The following NFIB variants were observed in gnomAD, a reference collection of about 807,000 sequenced individuals.
NFIB encodes the protein nuclear factor I B.
A neutral mutation model predicts 61.5 loss-of-function variants in NFIB; 11 were observed. The ratio of observed to expected loss-of-function variants is 0.18; its 90% CI spans 0.11 to 0.30. NFIB has a LOEUF of 0.30. Among genes scored for constraint, NFIB ranks in the 10% least tolerant of loss-of-function variants. The pLI is 1.00. For missense variants in NFIB, 471 were observed against 608.9 expected (o/e 0.77, Z 2.38); for synonymous variants, 260 against 216.5 (o/e 1.20, Z -1.76).
At chr9:14,495,182 A>C in the NFIB span, among the ~76,000 whole-genome samples, 1 of 152,296 alleles carries the variant, frequency 6.6e-6, no homozygotes, top group Admixed American at 6.5e-5. Context: ...AATCTGGAGA[A>C]GAGGATCAGC....
upstream of NFIB, among the ~76,000 whole-genome samples, chr9:14,318,092 C>G (rs57283789): frequency 0.018 from 2,708 of 152,240 alleles, 74 homozygotes; most frequent in African/African-American, 0.062. Context: ...ACCCCAAAAC[C>G]TGGCTGAGGA....
At chr9:14,176,337 T>A (rs2046192587) in intron 3 of NFIB, among the ~76,000 whole-genome samples, 1 of 151,644 alleles carries the variant, frequency 6.6e-6, no homozygotes, top group Non-Finnish European at 1.5e-5. Context: ...AAGGCAAATG[T>A]GTATCCCTAG....
chr9:14,282,858 T>C (rs1326978913), intron 2 of NFIB, among the ~76,000 whole-genome samples: 3 of 152,234 alleles, frequency 2.0e-5, no homozygotes, highest in Admixed American at 2.0e-4. Context: ...CACTGTTGTA[T>C]GAACTTCGGT....
At chr9:14,111,059 A>G (rs1221086347) in intron 10 of NFIB, among the ~76,000 whole-genome samples, 1 of 152,136 alleles carries the variant, frequency 6.6e-6, no homozygotes, top group Non-Finnish European at 1.5e-5. Context: ...ACGTATTCAC[A>G]TTGTAAGTGG....
At chr9:14,303,125 A>C (rs572211254) in intron 2 of NFIB, among the ~76,000 whole-genome samples, 68 of 152,190 alleles carry the variant, frequency 4.5e-4, no homozygotes, top group Non-Finnish European at 8.5e-4. Context: ...TCTGTTACAC[A>C]TTTCTAACTA....
At chr9:14,182,558 T>C (rs1009479277) in intron 2 of NFIB, among the ~76,000 whole-genome samples, 1 of 152,156 alleles carries the variant, frequency 6.6e-6, no homozygotes, top group African/African-American at 2.4e-5. Context: ...GTTATTGTGG[T>C]TGACTTCAGA....
intron 3 of NFIB, among the ~76,000 whole-genome samples, chr9:14,168,901 T>C (rs903283621): frequency 4.6e-5 from 7 of 152,216 alleles, no homozygotes; most frequent in African/African-American, 1.4e-4. Context: ...TACTCCCTTC[T>C]TCACCCATCA....
At chr9:14,363,819 G>A (rs1032509001) in intron 1 of NFIB, among the ~76,000 whole-genome samples, 8 of 151,970 alleles carry the variant, frequency 5.3e-5, no homozygotes, top group East Asian at 3.9e-4. Flanking sequence ...AAAGCATGCC[G>A]TTTTCTATCT....
At chr9:14,479,364 T>G in the NFIB span, among the ~76,000 whole-genome samples, 1 of 152,308 alleles carries the variant, frequency 6.6e-6, no homozygotes, top group Middle Eastern at 3.4e-3. Context: ...CAAATGAAAC[T>G]TCTTCGGAGA....
the NFIB span, among the ~76,000 whole-genome samples, chr9:14,451,716 C>A: frequency 6.6e-6 from 1 of 152,146 alleles, no homozygotes; most frequent in African/African-American, 2.4e-5. Context: ...GCTTTAGTCT[C>A]CCATTTAACA....
chr9:14,172,060 C>T (rs2045622872), intron 3 of NFIB, among the ~76,000 whole-genome samples: 1 of 152,044 alleles, frequency 6.6e-6, no homozygotes, highest in African/African-American at 2.4e-5. Context: ...CCAACTAAAT[C>T]AAATAAATAT....
chr9:14,383,955 T>A (rs2061519720), intron 1 of NFIB, among the ~76,000 whole-genome samples: 1 of 152,064 alleles, frequency 6.6e-6, no homozygotes, highest in Admixed American at 6.5e-5. Flanking sequence ...TCCTCACAAT[T>A]GTATAGGAGG....
chr9:14,372,702 T>G (rs575187999), intron 1 of NFIB, among the ~76,000 whole-genome samples: 5 of 152,134 alleles, frequency 3.3e-5, no homozygotes, highest in African/African-American at 7.2e-5. Context: ...TGTTATAACA[T>G]GTGGTCCAGC....
intron 1 of NFIB, among the ~76,000 whole-genome samples, chr9:14,330,589 G>A (rs1431739968): frequency 6.6e-6 from 1 of 152,178 alleles, no homozygotes; most frequent in Non-Finnish European, 1.5e-5. Context: ...TAGAAAATGG[G>A]ATTTGATGAC....
At chr9:14,143,772 A>G (rs958814686) in intron 6 of NFIB, among the ~76,000 whole-genome samples, 1 of 152,328 alleles carries the variant, frequency 6.6e-6, no homozygotes, top group East Asian at 1.9e-4. Flanking sequence ...GTGTGTCTAA[A>G]GAACATTAGA....
chr9:14,246,973 C>G (rs542925635), intron 2 of NFIB, among the ~76,000 whole-genome samples: 1 of 151,930 alleles, frequency 6.6e-6, no homozygotes, highest in African/African-American at 2.4e-5. Context: ...TGATCTCTCT[C>G]TCTCTCTCTT....
At chr9:14,388,279 G>T (rs1362416618) in intron 1 of NFIB, among the ~76,000 whole-genome samples, 1 of 152,002 alleles carries the variant, frequency 6.6e-6, no homozygotes, top group Admixed American at 6.6e-5. Context: ...GGAGGCTGGG[G>T]TGGGAGGATT....
intron 3 of NFIB, among the ~76,000 whole-genome samples, chr9:14,175,119 A>G (rs942321824): frequency 4.0e-5 from 6 of 150,390 alleles, no homozygotes; most frequent in Non-Finnish European, 8.9e-5. Flanking sequence ...TCTATAAAAT[A>G]ACATTGGAGA....
At chr9:14,350,586 G>T (rs1178600154) in intron 1 of NFIB, among the ~76,000 whole-genome samples, 1 of 152,138 alleles carries the variant, frequency 6.6e-6, no homozygotes, top group Non-Finnish European at 1.5e-5. Flanking sequence ...CTCAAGAATT[G>T]AAAACACGAC....
Sources: gnomAD v4.1 joint callset for allele counts (sites outside exome capture counted in the v4.1 genomes callset) on GRCh38, gnomAD v4.1.1 for gene constraint, MANE v1.5 for transcripts, NCBI Gene and HGNC (gene_info 2026-07-23, HGNC 2026-07-21) for gene names.